The following NEK4 variants were observed in gnomAD, a reference collection of about 807,000 sequenced individuals.
NEK4 encodes NIMA related kinase 4, also known as serine/threonine-protein kinase Nek4.
A neutral mutation model predicts 98.4 loss-of-function variants in NEK4; 86 were observed. That is an observed-to-expected ratio of 0.87 (90% CI 0.73 to 1.05). The LOEUF (loss-of-function observed/expected upper bound fraction) is 1.05. Ranked by LOEUF, NEK4 falls within the 50% of genes least tolerant of loss-of-function variation. The probability of loss-of-function intolerance (pLI) is 0.00; values close to 1 mark genes in which losing one functional copy is unlikely to be tolerated. For missense variants in NEK4, 898 were observed against 950.3 expected (o/e 0.94, Z 0.72); for synonymous variants, 328 against 342.2 (o/e 0.96, Z 0.46).
chr3:52,770,681 A>C lies in NEK4; in HGVS notation c.66T>G (p.Leu22=). The C allele has an allele frequency of 6.4e-7, 1 of 1,571,186 alleles. No homozygotes were observed. ...GCTTGCCGTCCCGCCGGTGCTTCAC[A>C]AGCGTCACCTCTCCATAGCTCCCCT... ...VGKGSYGEVT[L]VKHRRDGKQY... The change falls in exon 1 of 16, where the codon CTT becomes CTG. Residue 22 remains leucine, a synonymous_variant. Transcript: ENST00000233027.
chr3:52,759,341 G>C (rs909065553), intron 6 of NEK4, among the ~76,000 whole-genome samples: 1 of 151,358 alleles, frequency 6.6e-6, no homozygotes, highest in Non-Finnish European at 1.5e-5. Context: ...GTGGAGGCTA[G>C]ATTGAGCCGT....
At chr3:52,717,590 G>C (rs559324188) in intron 15 of NEK4, among the ~76,000 whole-genome samples, 4 of 151,944 alleles carry the variant, frequency 2.6e-5, no homozygotes, top group Non-Finnish European at 4.4e-5. Context: ...ACTCGGAAGA[G>C]TGCCATTGTC....
At chr3:52,765,857 C>A (rs1418652913) in intron 4 of NEK4, 30 bp downstream of exon 4, 7 of 1,331,332 alleles carry the variant, frequency 5.3e-6, no homozygotes, top group Middle Eastern at 1.8e-4. Context: ...TATAGAAATA[C>A]TGGTCAATTA....
Position 52,766,311 on chromosome 3 carries a change from G to C in NEK4, c.425C>G (p.Thr142Arg). 9 of 1,614,006 alleles carry C rather than the reference G, an allele frequency of 5.6e-6. No individual in the cohort carries two copies. The highest frequency in any genetic ancestry group is 7.6e-6 in the Non-Finnish European group (9 of 1,179,872). Reference sequence around the variant, plus strand: ...TAGGTCCCCTACTTTGATGATGTTTGTTCTTGTTAGGAAGACATTTTGAGT... The same window carrying C: ...TAGGTCCCCTACTTTGATGATGTTTCTTCTTGTTAGGAAGACATTTTGAGT... The part of the protein sequence containing the change: ...LKTQNVFLTR[T>R]NIIKVGDLGI... The change falls in exon 3 of 16, where the codon ACA becomes AGA. Residue 142 changes from threonine (T) to arginine (R), a missense_variant. Thr to Arg is a moderately conservative substitution (Grantham distance 71, BLOSUM62 -1). Transcript: ENST00000233027.
At chr3:52,721,782 G>A (rs889781627) in intron 15 of NEK4, among the ~76,000 whole-genome samples, 1 of 151,320 alleles carries the variant, frequency 6.6e-6, no homozygotes, top group African/African-American at 2.4e-5. Context: ...AATTTGGAAA[G>A]TTACCATGCA....
chr3:52,714,759 T>C (rs536285732), intron 15 of NEK4, among the ~76,000 whole-genome samples: 1 of 152,270 alleles, frequency 6.6e-6, no homozygotes, highest in Admixed American at 6.5e-5. Flanking sequence ...CCCCGCAGGC[T>C]CGGGGGTGTC....
In NEK4 at chr3:52,710,935, A is replaced by G. The variant is rs993843625; in HGVS notation, c.*842T>C. 1 of 152,626 alleles carries G rather than the reference A, an allele frequency of 6.6e-6. No individual in the cohort carries two copies. The highest frequency in any genetic ancestry group is 2.4e-5 in the African/African-American group (1 of 41,464). The allele number at this position is 152,626 out of a possible 1,614,324, so 9.5% of individuals were successfully genotyped here. ...TAAAATATGTGCTATATAATCATAC[A>G]TTTAAAACATGGAAAGACAACTAAT... is the stretch of plus-strand genomic sequence containing the variant. On this transcript the variant is annotated 3_prime_UTR_variant, in exon 16 of 16. Transcript: ENST00000233027.
At chr3:52,741,547 G>T in intron 12 of NEK4, 48 bp from the exon 13 acceptor site, 2 of 1,176,992 alleles carry the variant, frequency 1.7e-6, no homozygotes. Context: ...AACACAACCA[G>T]AATGTGATAC....
At chr3:52,721,006 G>T (rs1488273036) in intron 15 of NEK4, among the ~76,000 whole-genome samples, 1 of 152,176 alleles carries the variant, frequency 6.6e-6, no homozygotes, top group Admixed American at 6.5e-5. Flanking sequence ...AAATTGTACT[G>T]ACAGAATCTC....
intron 8 of NEK4, among the ~76,000 whole-genome samples, 174 bp from the exon 9 acceptor site, chr3:52,747,078 C>T (rs2097397457): frequency 6.6e-6 from 1 of 152,080 alleles, no homozygotes. Flanking sequence ...TAAAATGACC[C>T]ATCACAATGT....
At chr3:52,728,869 A>G (rs980646672) in intron 15 of NEK4, among the ~76,000 whole-genome samples, 2 of 152,152 alleles carry the variant, frequency 1.3e-5, no homozygotes, top group Non-Finnish European at 2.9e-5. Context: ...TGTGGTTGAG[A>G]TAAGGACTGA....
chr3:52,711,746 T>C lies in NEK4; in HGVS notation c.*31A>G. On this transcript the variant is annotated 3_prime_UTR_variant, in exon 16 of 16. Coordinates refer to ENST00000233027, the MANE Select transcript of NEK4 (RefSeq NM_003157.6). ...AGCCAAAATCCTCTAAAAATAGGTC[T>C]TTAATTCTGGCAGCAGATTAGGACA... 17 of 1,426,002 alleles carry C rather than the reference T, an allele frequency of 1.2e-5. No homozygotes were observed. Among genetic ancestry groups the C allele is most frequent in the Non-Finnish European group, 1.7e-5 (17 of 1,011,734 alleles). 88.3% of individuals were successfully genotyped at this position (1,426,002 alleles called of 1,614,324 possible).
At chr3:52,736,921 T>C (rs1239089022) in intron 15 of NEK4, among the ~76,000 whole-genome samples, 1 of 152,150 alleles carries the variant, frequency 6.6e-6, no homozygotes, top group East Asian at 1.9e-4. Flanking sequence ...AGTTCTCATG[T>C]TTTAGGTAAT....
chr3:52,722,217 T>C (rs1220111183), intron 15 of NEK4, among the ~76,000 whole-genome samples: 1 of 152,132 alleles, frequency 6.6e-6, no homozygotes, highest in African/African-American at 2.4e-5. Context: ...TGATAGCTGT[T>C]TCATCACTCA....
At chr3:52,724,222 T>G (rs1025566940) in intron 15 of NEK4, among the ~76,000 whole-genome samples, 1 of 96,320 alleles carries the variant, frequency 1.0e-5, no homozygotes, top group Non-Finnish European at 2.2e-5. Flanking sequence ...ACAGTGAGAC[T>G]TTGTCTTAAA....
chr3:52,751,397 A>G (rs1169907004), intron 7 of NEK4, among the ~76,000 whole-genome samples: 4 of 151,222 alleles, frequency 2.6e-5, no homozygotes, highest in East Asian at 1.9e-4. Context: ...CGGAGGTTGC[A>G]GTGAGCCGAG....
chr3:52,770,530 T>A, intron 1 of NEK4, 124 bp downstream of exon 1: 1 of 717,556 alleles, frequency 1.4e-6, no homozygotes, highest in Non-Finnish European at 2.4e-6. Flanking sequence ...TCTGGGACCA[T>A]TTCCCTGAGG....
chr3:52,747,409 C>G, intron 8 of NEK4: 1 of 151,768 alleles, frequency 6.6e-6, no homozygotes, highest in Non-Finnish European at 1.4e-5. Context: ...AAGCTGAGAT[C>G]GCACCACTGC....
In NEK4 at chr3:52,746,176, T is replaced by A; in HGVS notation, c.1712A>T (p.His571Leu). 2 of 1,613,988 alleles carry A rather than the reference T, an allele frequency of 1.2e-6. No individual in the cohort carries two copies. Among genetic ancestry groups the A allele is most frequent in the Non-Finnish European group, 1.7e-6 (2 of 1,179,964 alleles). The change falls in exon 10 of 16, where the codon CAT becomes CTT. Residue 571 changes from histidine to leucine, a missense_variant. Physicochemically the swap from His to Leu is moderately conservative, Grantham distance 99 (BLOSUM62 -3). Coordinates refer to ENST00000233027, the MANE Select transcript of NEK4 (RefSeq NM_003157.6). ...GACATCCACTTTCCCAACAATGGGA[T>A]GAGAAGGCAAAAATCGAGGAGGCGA... ...QESPPRFLPS[H>L]PIVGKVDVTS...
Sources: allele counts gnomAD v4.1 joint callset (sites outside exome capture counted in the v4.1 genomes callset), GRCh38; gene constraint gnomAD v4.1.1; transcripts MANE v1.5; gene names NCBI Gene and HGNC (gene_info 2026-07-23, HGNC 2026-07-21).